TESC: variants seen among roughly 807,000 people sequenced by gnomAD.
TESC encodes the protein tescalcin, also known as calcineurin B homologous protein 3.
In TESC, 19 loss-of-function variants were observed where a neutral mutation model predicts 31.0. The observed-to-expected ratio is 0.61, with a 90% confidence interval of 0.43 to 0.90. TESC has a LOEUF of 0.90. Among genes scored for constraint, TESC ranks in the 40% least tolerant of loss-of-function variants. TESC has a pLI of 0.00. For missense variants in TESC, 248 were observed against 303.8 expected (o/e 0.82, Z 1.36); for synonymous variants, 109 against 114.8 (o/e 0.95, Z 0.32).
At chr12:117,083,847 A>AGGG (rs1274567801) in intron 1 of TESC, 1 of 152,230 alleles carries the variant, frequency 6.6e-6, no homozygotes, top group East Asian at 1.9e-4. Context: ...CTGTAATCCC[A>AGGG]GCACTTTGGG....
At chr12:117,069,363 C>T (rs1010328725) in intron 2 of TESC, among the ~76,000 whole-genome samples, 5 of 152,110 alleles carry the variant, frequency 3.3e-5, no homozygotes, top group East Asian at 1.9e-4. Context: ...CTCAGCCTCC[C>T]GAGTAGCTGG....
chr12:117,045,242 C>T (rs1194744175), intron 6 of TESC, among the ~76,000 whole-genome samples: 3 of 152,222 alleles, frequency 2.0e-5, no homozygotes, highest in Non-Finnish European at 2.9e-5. Context: ...CATGGGGGCC[C>T]GTAGGCAGCG....
intron 1 of TESC, among the ~76,000 whole-genome samples, chr12:117,075,953 A>ATGTATG (rs1955068263): frequency 2.6e-5 from 3 of 116,808 alleles, no homozygotes; most frequent in African/African-American, 1.1e-4. Flanking sequence ...ATATATACAT[A>ATGTATG]TATATATATA....
In TESC at chr12:117,099,408, G is replaced by T; in HGVS notation, c.-126C>A. ...GGGACGCCGGCGAAGGCTCGGAGCCGCGGGTTCCGCGTGGGGCCGGAGCGG... is the reference window on the plus strand; with the variant it reads ...GGGACGCCGGCGAAGGCTCGGAGCCTCGGGTTCCGCGTGGGGCCGGAGCGG... On this transcript the variant is annotated 5_prime_UTR_variant, in exon 1 of 8. Coordinates refer to ENST00000335209, the MANE Select transcript of TESC (RefSeq NM_017899.4). 1 of 950,820 alleles carries T rather than the reference G, an allele frequency of 1.1e-6. No homozygotes were observed. The highest frequency in any genetic ancestry group is 1.4e-6 in the Non-Finnish European group (1 of 725,822). 58.9% of individuals were successfully genotyped at this position (950,820 alleles called of 1,614,324 possible).
chr12:117,095,409 C>T (rs28384207), intron 1 of TESC, among the ~76,000 whole-genome samples: 1 of 152,020 alleles, frequency 6.6e-6, no homozygotes, highest in African/African-American at 2.4e-5. Context: ...GAAAGGCTCC[C>T]GTACGTAAAC....
chr12:117,074,118 G>A (rs1955017620), intron 2 of TESC, among the ~76,000 whole-genome samples: 1 of 152,044 alleles, frequency 6.6e-6, no homozygotes, highest in African/African-American at 2.4e-5. Context: ...CCAGCACTTT[G>A]GGAAGCTAAG....
intron 6 of TESC, among the ~76,000 whole-genome samples, chr12:117,042,576 G>A (rs1435225063): frequency 3.4e-5 from 2 of 58,962 alleles, no homozygotes; most frequent in Non-Finnish European, 6.9e-5. Flanking sequence ...CACTGGGGAG[G>A]GCAGGGCCAG....
At chr12:117,092,752 C>A (rs1054793425) in intron 1 of TESC, among the ~76,000 whole-genome samples, 1 of 152,214 alleles carries the variant, frequency 6.6e-6, no homozygotes, top group Non-Finnish European at 1.5e-5. Context: ...ACTGTGATTG[C>A]ACCACTATGC....
At chr12:117,099,015 C>T (rs1955435148) in intron 1 of TESC, among the ~76,000 whole-genome samples, 2 of 152,164 alleles carry the variant, frequency 1.3e-5, no homozygotes. Context: ...CGAAGCTGAG[C>T]GGCTGCGGCA....
chr12:117,069,458 G>T (rs1593010147), intron 2 of TESC, among the ~76,000 whole-genome samples: 1 of 152,050 alleles, frequency 6.6e-6, no homozygotes, highest in African/African-American at 2.4e-5. Flanking sequence ...AGGCTGGTCT[G>T]GAACTCCTGA....
chr12:117,059,769 T>C (rs1465927646), intron 2 of TESC, among the ~76,000 whole-genome samples: 1 of 152,074 alleles, frequency 6.6e-6, no homozygotes, highest in Non-Finnish European at 1.5e-5. Flanking sequence ...ACTTCTGTAT[T>C]TTTAGTAGAG....
intron 1 of TESC, among the ~76,000 whole-genome samples, chr12:117,097,807 T>C (rs1229477656): frequency 5.9e-5 from 9 of 152,174 alleles, no homozygotes; most frequent in African/African-American, 1.7e-4. Context: ...TCTGCAAATA[T>C]AGCAATTACA....
intron 2 of TESC, among the ~76,000 whole-genome samples, chr12:117,073,967 T>C (rs1341752792): frequency 6.6e-6 from 1 of 151,910 alleles, no homozygotes; most frequent in African/African-American, 2.4e-5. Context: ...TACACACCTG[T>C]AGTGCCAGCA....
At chr12:117,049,729 C>T (rs1313708658) in intron 3 of TESC, among the ~76,000 whole-genome samples, 2 of 151,918 alleles carry the variant, frequency 1.3e-5, no homozygotes, top group East Asian at 1.9e-4. Flanking sequence ...GATGACACCA[C>T]GCCTCTAATA....
At chr12:117,053,677 G>C (rs936726415) in intron 3 of TESC, among the ~76,000 whole-genome samples, 38 of 152,222 alleles carry the variant, frequency 2.5e-4, no homozygotes, top group African/African-American at 7.5e-4. Flanking sequence ...AAGCCTTCTG[G>C]AAACAAGCCT....
At chr12:117,092,058 C>T (rs1955318571) in intron 1 of TESC, among the ~76,000 whole-genome samples, 1 of 152,232 alleles carries the variant, frequency 6.6e-6, no homozygotes, top group Non-Finnish European at 1.5e-5. Flanking sequence ...GTCATTTCCT[C>T]TGTCCAAACC....
At chr12:117,066,225 G>GTTTTTTTTT (rs1491432827) in intron 2 of TESC, among the ~76,000 whole-genome samples, 1 of 9,608 alleles carries the variant, frequency 1.0e-4, no homozygotes, top group African/African-American at 7.2e-4. Context: ...TTTTTTTTTT[G>GTTTTTTTTT]GGGCAGGGCT....
intron 3 of TESC, among the ~76,000 whole-genome samples, chr12:117,055,266 C>A (rs11611741): frequency 2.0e-4 from 31 of 151,894 alleles, no homozygotes; most frequent in Non-Finnish European, 3.7e-4. Context: ...CTCAGCCTCC[C>A]GAGTAGTTGG....
chr12:117,071,174 A>C (rs1266037799), intron 2 of TESC, among the ~76,000 whole-genome samples: 1 of 152,196 alleles, frequency 6.6e-6, no homozygotes, highest in Non-Finnish European at 1.5e-5. Flanking sequence ...CGCTGGAAAG[A>C]ATTCTGCTAG....
Sources: allele counts gnomAD v4.1 joint callset (sites outside exome capture counted in the v4.1 genomes callset), GRCh38; gene constraint gnomAD v4.1.1; transcripts MANE v1.5; gene names NCBI Gene and HGNC (gene_info 2026-07-23, HGNC 2026-07-21).